The following PRDM5 variants were observed in gnomAD, a reference collection of about 807,000 sequenced individuals.
PRDM5 encodes the protein PR/SET domain 5.
PRDM5 carries 56 observed loss-of-function variants against 81.2 expected under a neutral mutation model. The ratio of observed to expected loss-of-function variants is 0.69; its 90% CI spans 0.56 to 0.86. The LOEUF (loss-of-function observed/expected upper bound fraction) is 0.86, where lower values mean the gene tolerates loss of function less well. Among genes scored for constraint, PRDM5 ranks in the 40% least tolerant of loss-of-function variants. The pLI is 0.00. For synonymous variants in PRDM5, 267 were observed against 256.4 expected (o/e 1.04, Z -0.39); for missense variants, 697 against 770.1 (o/e 0.91, Z 1.12).
At chr4:120,803,166 A>C (rs952630341) in intron 8 of PRDM5, among the ~76,000 whole-genome samples, 2 of 152,202 alleles carry the variant, frequency 1.3e-5, no homozygotes, top group African/African-American at 4.8e-5. Context: ...AAAAAAGAAT[A>C]AAAAGAAACG....
chr4:120,877,451 T>C (rs1396222805), intron 2 of PRDM5, among the ~76,000 whole-genome samples: 2 of 152,224 alleles, frequency 1.3e-5, no homozygotes, highest in African/African-American at 2.4e-5. Flanking sequence ...AACAATTCAG[T>C]TGCTTTTCCA....
chr4:120,839,017 C>T, intron 3 of PRDM5: 1 of 556,346 alleles, frequency 1.8e-6, no homozygotes, highest in Non-Finnish European at 3.2e-6. Context: ...CTGGGACAGG[C>T]ACACCGCAAG....
chr4:120,807,700 C>T lies in PRDM5; in HGVS notation c.945+3670G>A, dbSNP rs183868291. On this transcript the variant is annotated intron_variant, in intron 8 of 15. Transcript: ENST00000264808. ...TTACAGTTCTTAAAGGCGGTGTGTC[C>T]GGAGTTTGTTCCTTCTGAGGTTCGG... Among the ~76,000 whole-genome samples the T allele has an allele frequency of 1.2e-3, 182 of 152,238 alleles. 1 individual carries two copies. Among genetic ancestry groups the T allele is most frequent in the African/African-American group, 4.0e-3 (168 of 41,530 alleles).
intron 3 of PRDM5, among the ~76,000 whole-genome samples, chr4:120,833,591 G>A (rs75630333): frequency 0.2 from 30,270 of 152,078 alleles, 3,640 homozygotes; most frequent in Non-Finnish European, 0.28. Flanking sequence ...AACATTTTGA[G>A]GAAGGAATCT....
intron 3 of PRDM5, among the ~76,000 whole-genome samples, chr4:120,827,447 C>G (rs1164991408): frequency 6.6e-6 from 1 of 152,094 alleles, no homozygotes; most frequent in Admixed American, 6.6e-5. Context: ...TCTCTAGAGG[C>G]AGGGGCACCA....
intron 15 of PRDM5, among the ~76,000 whole-genome samples, chr4:120,702,831 A>G (rs1040019681): frequency 6.6e-6 from 1 of 152,150 alleles, no homozygotes; most frequent in Non-Finnish European, 1.5e-5. Context: ...CCCTTCTCCA[A>G]ACCCAATGTC....
intron 2 of PRDM5, among the ~76,000 whole-genome samples, chr4:120,876,109 T>C (rs999720716): frequency 1.3e-5 from 2 of 152,084 alleles, no homozygotes; most frequent in Non-Finnish European, 2.9e-5. Flanking sequence ...TACAGAGAAA[T>C]ACAAATGAGC....
intron 1 of PRDM5, among the ~76,000 whole-genome samples, chr4:120,912,570 CTGG>C (rs1766642481): frequency 6.6e-6 from 1 of 151,968 alleles, no homozygotes; most frequent in Non-Finnish European, 1.5e-5. Context: ...TGATAAGATC[CTGG>C]TTCAAAAATA....
chr4:120,806,845 A>G lies in PRDM5; in HGVS notation c.945+4525T>C, dbSNP rs556473954. On this transcript the variant is annotated intron_variant, in intron 8 of 15. Transcript: ENST00000264808. Reference sequence around the variant, plus strand: ...AATGGCAACAAAAGCCAAAATTGACAAATGGGATCTAATTAAACTAAAGAG... The same window carrying G: ...AATGGCAACAAAAGCCAAAATTGACGAATGGGATCTAATTAAACTAAAGAG... Among the ~76,000 whole-genome samples, 73 of 152,340 alleles carry G rather than the reference A, an allele frequency of 4.8e-4. 1 individual carries two copies. Among genetic ancestry groups the G allele is most frequent in the African/African-American group, 1.3e-3 (52 of 41,582 alleles).
chr4:120,785,152 A>C (rs957652903), intron 10 of PRDM5, 61 bp from the exon 11 acceptor site: 9 of 1,287,286 alleles, frequency 7.0e-6, no homozygotes, highest in Non-Finnish European at 9.0e-6. Context: ...ACAATGAACG[A>C]GTGGAGCTTG....
At chr4:120,894,576 G>A (rs1764411769) in intron 2 of PRDM5, among the ~76,000 whole-genome samples, 1 of 152,188 alleles carries the variant, frequency 6.6e-6, no homozygotes, top group South Asian at 2.1e-4. Flanking sequence ...AAATTTGGAA[G>A]ATCTCAAGTT....
chr4:120,774,839 C>T (rs1005203330), intron 13 of PRDM5, among the ~76,000 whole-genome samples: 3 of 150,940 alleles, frequency 2.0e-5, no homozygotes, highest in African/African-American at 7.3e-5. Flanking sequence ...TGTGGACACA[C>T]AAACACATAC....
downstream of PRDM5, among the ~76,000 whole-genome samples, chr4:120,691,257 CAG>C (rs1294407107): frequency 1.3e-5 from 2 of 152,036 alleles, no homozygotes; most frequent in Admixed American, 1.3e-4. Context: ...ATGAAGGCTC[CAG>C]AGTTAATTTT....
intron 3 of PRDM5, among the ~76,000 whole-genome samples, chr4:120,849,689 A>C (rs1759047804): frequency 6.6e-6 from 1 of 152,206 alleles, no homozygotes; most frequent in African/African-American, 2.4e-5. Flanking sequence ...AGTGGCATAA[A>C]ATATTCATCT....
intron 15 of PRDM5, among the ~76,000 whole-genome samples, chr4:120,701,448 G>T (rs1735350901): frequency 6.6e-6 from 1 of 152,158 alleles, no homozygotes; most frequent in Non-Finnish European, 1.5e-5. Flanking sequence ...ATGAACAGTG[G>T]ACTGGATAAA....
At chr4:120,914,949 C>T (rs1202094175) in intron 1 of PRDM5, among the ~76,000 whole-genome samples, 1 of 152,122 alleles carries the variant, frequency 6.6e-6, no homozygotes, top group Non-Finnish European at 1.5e-5. Flanking sequence ...GGGAGCTAAG[C>T]TGTGGGTACA....
chr4:120,713,415 C>A (rs968259922), intron 14 of PRDM5, among the ~76,000 whole-genome samples: 2 of 152,104 alleles, frequency 1.3e-5, no homozygotes, highest in African/African-American at 4.8e-5. Context: ...TCTAAGATGG[C>A]AAGTTTTGCC....
intron 1 of PRDM5, among the ~76,000 whole-genome samples, chr4:120,913,635 T>C (rs1766762149): frequency 6.6e-6 from 1 of 152,216 alleles, no homozygotes; most frequent in Admixed American, 6.5e-5. Flanking sequence ...CCTGTTACTT[T>C]CCTCTCTTGA....
At chr4:120,905,051 A>AT (rs1765646049) in intron 2 of PRDM5, among the ~76,000 whole-genome samples, 1 of 152,242 alleles carries the variant, frequency 6.6e-6, no homozygotes, top group Admixed American at 6.5e-5. Context: ...TGCTGAGGAA[A>AT]TTAAGACCTT....
Sources: allele counts gnomAD v4.1 joint callset (sites outside exome capture counted in the v4.1 genomes callset), GRCh38; gene constraint gnomAD v4.1.1; transcripts MANE v1.5; gene names NCBI Gene and HGNC (gene_info 2026-07-23, HGNC 2026-07-21).